The following IL16 variants were observed in gnomAD, a reference collection of about 807,000 sequenced individuals.
The protein encoded by IL16 is pro-interleukin-16.
IL16 carries 67 observed loss-of-function variants against 110.1 expected under a neutral mutation model. The ratio of observed to expected loss-of-function variants is 0.61; its 90% CI spans 0.50 to 0.75. The LOEUF is 0.75. Among genes scored for constraint, IL16 ranks in the 30% least tolerant of loss-of-function variants. The pLI is 0.00. For synonymous variants in IL16, 689 were observed against 662.9 expected (o/e 1.04, Z -0.61); for missense variants, 1,545 against 1,655.0 (o/e 0.93, Z 1.15).
At chr15:81,243,357 G>T (rs1352021551) in intron 2 of IL16, among the ~76,000 whole-genome samples, 4 of 148,522 alleles carry the variant, frequency 2.7e-5, no homozygotes, top group Non-Finnish European at 4.5e-5. Context: ...TATTTTCTTA[G>T]TTTTTTTTGT....
At chr15:81,273,370 A>AG (rs1211690563) in intron 6 of IL16, among the ~76,000 whole-genome samples, 166 bp downstream of exon 6, 1 of 152,082 alleles carries the variant, frequency 6.6e-6, no homozygotes, top group Non-Finnish European at 1.5e-5. Flanking sequence ...AGCTCCCCCG[A>AG]GGGGGTCTTC....
upstream of IL16, among the ~76,000 whole-genome samples, chr15:81,195,260 C>T (rs1895567963): frequency 6.6e-6 from 1 of 152,150 alleles, no homozygotes; most frequent in South Asian, 2.1e-4. Flanking sequence ...GTGGGGCCCT[C>T]CCAGGCCTCA....
chr15:81,199,034 T>C (rs202086490), intron 1 of IL16, among the ~76,000 whole-genome samples: 1 of 123,992 alleles, frequency 8.1e-6, no homozygotes, highest in Admixed American at 8.4e-5. Flanking sequence ...AAAAAAAATA[T>C]ATATATATAT....
intron 1 of IL16, among the ~76,000 whole-genome samples, chr15:81,218,173 G>GATCTCATA (rs1896495994): frequency 6.6e-6 from 1 of 152,100 alleles, no homozygotes; most frequent in African/African-American, 2.4e-5. Flanking sequence ...AAGTTTGCAA[G>GATCTCATA]TTATGAAGTA....
At chr15:81,296,677 T>A (rs530257077) in intron 12 of IL16, among the ~76,000 whole-genome samples, 1 of 152,178 alleles carries the variant, frequency 6.6e-6, no homozygotes, top group Non-Finnish European at 1.5e-5. Flanking sequence ...TCTTCAAGTA[T>A]GTCAACAGTA....
chr15:81,238,194 G>T (rs570117220), intron 2 of IL16, among the ~76,000 whole-genome samples: 1 of 152,268 alleles, frequency 6.6e-6, no homozygotes, highest in East Asian at 1.9e-4. Flanking sequence ...GAGCCACTGC[G>T]CCCGGCCTAG....
At chr15:81,273,319 C>T (rs1011611554) in intron 6 of IL16, 115 bp downstream of exon 6, 70 of 670,730 alleles carry the variant, frequency 1.0e-4, no homozygotes, top group Non-Finnish European at 1.4e-4. Context: ...TGTCAGGATA[C>T]GGCCAGCATG....
At position 81,292,998 on chromosome 15, in the gene IL16, C is replaced by T. The variant is rs765592251; in HGVS notation, c.1863C>T (p.Ser621=). The T allele has an allele frequency of 9.3e-6, 15 of 1,612,212 alleles. No homozygotes were observed. Among genetic ancestry groups the T allele is most frequent in the South Asian group, 3.3e-5 (3 of 91,084 alleles). Residue 621 remains serine, a synonymous_variant, in exon 12 of 19, where the codon TCC becomes TCT. Transcript: ENST00000683961. ...PQKSLEEREN[S]SCSSGHTPPT... is the part of the protein sequence containing the mutation. ...AGAGTCTGGAAGAGAGAGAGAACTC[C>T]TCATGCTCTTCTGGGCACACCCCAC...
At chr15:81,258,730 G>T (rs962405166) in intron 2 of IL16, among the ~76,000 whole-genome samples, 30 of 147,830 alleles carry the variant, frequency 2.0e-4, no homozygotes, top group Non-Finnish European at 2.5e-4. Flanking sequence ...TCGCGCACGC[G>T]CTCTCTCTCT....
intron 2 of IL16, among the ~76,000 whole-genome samples, chr15:81,248,234 G>A (rs2142133029): frequency 6.6e-6 from 1 of 152,164 alleles, no homozygotes; most frequent in Middle Eastern, 3.4e-3. Context: ...GCAGTTGTCT[G>A]AGCTATCTAC....
At chr15:81,216,507 G>T (rs931287254) in intron 1 of IL16, among the ~76,000 whole-genome samples, 1 of 151,914 alleles carries the variant, frequency 6.6e-6, no homozygotes, top group Non-Finnish European at 1.5e-5. Context: ...CCCAAATTAT[G>T]GTGGCTTACT....
chr15:81,238,115 G>A (rs1173786853), intron 2 of IL16, among the ~76,000 whole-genome samples: 1 of 151,774 alleles, frequency 6.6e-6, no homozygotes, highest in East Asian at 1.9e-4. Context: ...TCTTGGCCAG[G>A]CTGGTCTTGA....
chr15:81,261,954 C>T (rs1239894696), intron 3 of IL16, among the ~76,000 whole-genome samples: 1 of 151,998 alleles, frequency 6.6e-6, no homozygotes, highest in Non-Finnish European at 1.5e-5. Context: ...ATGGCTCGTA[C>T]CTGAGGTCCC....
At chr15:81,230,252 G>A (rs1896925595) in intron 2 of IL16, among the ~76,000 whole-genome samples, 1 of 152,150 alleles carries the variant, frequency 6.6e-6, no homozygotes, top group African/African-American at 2.4e-5. Flanking sequence ...TTGAAAGAAG[G>A]AATACAGGGA....
At chr15:81,307,268 G>C (rs1671699371) in intron 18 of IL16, among the ~76,000 whole-genome samples, 1 of 152,204 alleles carries the variant, frequency 6.6e-6, no homozygotes. Flanking sequence ...CCAGGTTCTA[G>C]TCCCAGCTCT....
intron 12 of IL16, among the ~76,000 whole-genome samples, chr15:81,294,150 G>A (rs559876471): frequency 1.6e-4 from 25 of 152,168 alleles, no homozygotes; most frequent in African/African-American, 5.8e-4. Context: ...CGGTGGAGAC[G>A]GGATGTTGAG....
At chr15:81,283,919 CTT>C (rs1899312958) in intron 9 of IL16, among the ~76,000 whole-genome samples, 1 of 150,214 alleles carries the variant, frequency 6.7e-6, no homozygotes, top group Non-Finnish European at 1.5e-5. Context: ...AGGAGGCTCA[CTT>C]GAGCCAGGGA....
rs1900554684 is a variant in IL16 at position 81,306,285 on chromosome 15, C to T, written c.3679+119C>T. ...CCCAAGAATGTGTGGCTGCCTAGTA[C>T]ACTGCCTGAGACGTGTTTACATGTG... On this transcript the variant is annotated intron_variant, in intron 17 of 18. Transcript: ENST00000683961. 3.3e-6 allele frequency: 5 copies of T among 1,522,694 alleles called. No homozygotes were observed. The South Asian group carries it at 3.7e-5, about 11-fold the overall frequency. 94.3% of individuals were successfully genotyped at this position (1,522,694 alleles called of 1,614,324 possible).
chr15:81,296,803 G>A, intron 12 of IL16, 125 bp from the exon 13 acceptor site: 1 of 815,790 alleles, frequency 1.2e-6, no homozygotes, highest in Non-Finnish European at 1.9e-6. Flanking sequence ...TTACATGGCT[G>A]CTGATGAACT....
Sources: gnomAD v4.1 joint callset for allele counts (sites outside exome capture counted in the v4.1 genomes callset) on GRCh38, gnomAD v4.1.1 for gene constraint, MANE v1.5 for transcripts, NCBI Gene and HGNC (gene_info 2026-07-23, HGNC 2026-07-21) for gene names.